CCNYL1: variants seen among roughly 807,000 people sequenced by gnomAD.
The protein encoded by CCNYL1 is cyclin Y like 1, also known as cyclin-Y-like protein 1.
CCNYL1 carries 16 observed loss-of-function variants against 44.2 expected under a neutral mutation model. The observed-to-expected ratio is 0.36, with a 90% confidence interval of 0.25 to 0.55. CCNYL1 has a LOEUF of 0.55. Ranked by LOEUF, CCNYL1 falls within the 20% of genes least tolerant of loss-of-function variation. The pLI, the probability that CCNYL1 is intolerant of heterozygous loss-of-function variation, is 0.85. For missense variants in CCNYL1, 348 were observed against 451.8 expected (o/e 0.77, Z 2.08); for synonymous variants, 159 against 163.2 (o/e 0.97, Z 0.20).
At chr2:207,734,851 CCT>C (rs1410282596) in intron 4 of CCNYL1, among the ~76,000 whole-genome samples, 5 of 152,022 alleles carry the variant, frequency 3.3e-5, no homozygotes, top group Non-Finnish European at 7.4e-5. Flanking sequence ...ATGTCACTTT[CCT>C]CTCTCACTTA....
intron 9 of CCNYL1, among the ~76,000 whole-genome samples, chr2:207,752,549 A>G (rs2105843670): frequency 6.7e-6 from 1 of 150,082 alleles, no homozygotes; most frequent in Non-Finnish European, 1.5e-5. Flanking sequence ...AAAAAAAAAT[A>G]ATAATGTAGG....
Position 207,752,811 on chromosome 2 carries a change from C to CA in CCNYL1, c.970-777_970-776insA, listed in dbSNP as rs2091903291. Among the ~76,000 whole-genome samples the CA allele has an allele frequency of 2.6e-5, 4 of 151,592 alleles. No individual in the cohort carries two copies. In the East Asian group the frequency reaches 7.8e-4, roughly 30 times the overall value. On this transcript the variant is annotated intron_variant, in intron 9 of 9. Coordinates refer to ENST00000295414, the MANE Select transcript of CCNYL1 (RefSeq NM_001330218.2). ...CAGCACTTTGGGAGGCCGAGGCAGG[C>CA]GGGATCACCTGAGGTCAGGAGTTTG...
Position 207,737,426 on chromosome 2 carries a change from A to G in CCNYL1, c.447A>G (p.Ile149Met). 1 of 1,610,606 alleles carries G rather than the reference A, an allele frequency of 6.2e-7. No homozygotes were observed. Among genetic ancestry groups the G allele is most frequent in the Non-Finnish European group, 8.5e-7 (1 of 1,177,670 alleles). ...RTTVKCVTLA[I>M]YYHIKNRDAN... ...CCCTTCACAGTGTGACCTTAGCAAT[A>G]TATTACCACATAAAGAACAGGTGAG... The change falls in exon 5 of 10, where the codon ATA becomes ATG. Residue 149 changes from isoleucine to methionine, a missense_variant. By Grantham distance (10) the Ile-to-Met change is conservative. Transcript: ENST00000295414.
At chr2:207,735,307 T>C (rs2091756780) in intron 4 of CCNYL1, among the ~76,000 whole-genome samples, 1 of 152,220 alleles carries the variant, frequency 6.6e-6, no homozygotes. Context: ...TATCATGGCT[T>C]ACTAGTGCGT....
chr2:207,744,101 T>C (rs1289204347), intron 7 of CCNYL1, among the ~76,000 whole-genome samples: 1 of 152,144 alleles, frequency 6.6e-6, no homozygotes, highest in Non-Finnish European at 1.5e-5. Context: ...CTCACTATTT[T>C]AGATAGAATG....
chr2:207,734,095 C>A, intron 4 of CCNYL1, 48 bp downstream of exon 4: 1 of 1,162,922 alleles, frequency 8.6e-7, no homozygotes, highest in Non-Finnish European at 1.3e-6. Context: ...CCCCCTTATG[C>A]TAAAAGCATC....
intron 9 of CCNYL1, among the ~76,000 whole-genome samples, chr2:207,753,103 G>A (rs920732860): frequency 9.2e-5 from 14 of 151,882 alleles, no homozygotes; most frequent in African/African-American, 3.4e-4. Flanking sequence ...ACCTTTTGGC[G>A]CGTCAGTCAT....
intron 3 of CCNYL1, among the ~76,000 whole-genome samples, chr2:207,732,664 C>T (rs1026682635): frequency 1.6e-4 from 24 of 151,962 alleles, no homozygotes; most frequent in Admixed American, 1.6e-3. Flanking sequence ...TTACTTTCAG[C>T]TATTCAATGA....
intron 3 of CCNYL1, among the ~76,000 whole-genome samples, chr2:207,729,827 T>G (rs926178318): frequency 2.6e-5 from 4 of 152,010 alleles, no homozygotes; most frequent in Admixed American, 6.6e-5. Flanking sequence ...GTGATTCTTG[T>G]GCCTCGGTCT....
rs192345726 is a variant in CCNYL1, at chr2:207,715,097, G to A, written c.220+2981G>A. On this transcript the variant is annotated intron_variant, in intron 1 of 9. Coordinates refer to ENST00000295414, the MANE Select transcript of CCNYL1 (RefSeq NM_001330218.2). ...AGCCTGGCCAACATGGTGAAACCCCGTCTCTACTAAAAATACAAAAATTAG... is the reference window on the plus strand; with the variant it reads ...AGCCTGGCCAACATGGTGAAACCCCATCTCTACTAAAAATACAAAAATTAG... 7.2e-5 allele frequency among the ~76,000 whole-genome samples: 11 copies of A among 152,046 alleles called. No individual in the cohort carries two copies. In the East Asian group the frequency reaches 1.9e-3, roughly 27 times the overall value.
chr2:207,730,801 A>G (rs1188332711), intron 3 of CCNYL1, among the ~76,000 whole-genome samples: 1 of 152,204 alleles, frequency 6.6e-6, no homozygotes, highest in Non-Finnish European at 1.5e-5. Context: ...CAAAAATAAA[A>G]TAAAACAAAT....
intron 7 of CCNYL1, among the ~76,000 whole-genome samples, chr2:207,746,501 A>G (rs148894534): frequency 5.9e-5 from 9 of 152,340 alleles, no homozygotes; most frequent in African/African-American, 1.9e-4. Context: ...TGAGATGTCC[A>G]GTCATTCCTG....
chr2:207,751,704 A>G (rs1027393082), intron 9 of CCNYL1, among the ~76,000 whole-genome samples: 29 of 152,156 alleles, frequency 1.9e-4, no homozygotes, highest in African/African-American at 7.0e-4. Context: ...AAAATACAAA[A>G]TTAGCCGGCC....
At chr2:207,734,079 G>A in intron 4 of CCNYL1, 32 bp downstream of exon 4, 1 of 1,377,416 alleles carries the variant, frequency 7.3e-7, no homozygotes, top group South Asian at 1.2e-5. Flanking sequence ...AGGGCTGAGT[G>A]ACAGACCCCC....
chr2:207,733,458 A>T (rs990082389), intron 3 of CCNYL1, among the ~76,000 whole-genome samples: 4 of 152,206 alleles, frequency 2.6e-5, no homozygotes. Flanking sequence ...TCTGACTGTG[A>T]AACACTTGTT....
At chr2:207,732,498 G>T (rs1406995931) in intron 3 of CCNYL1, among the ~76,000 whole-genome samples, 1 of 152,088 alleles carries the variant, frequency 6.6e-6, no homozygotes, top group Non-Finnish European at 1.5e-5. Context: ...TCCCTGCCCT[G>T]TCTTTCATGT....
intron 7 of CCNYL1, among the ~76,000 whole-genome samples, chr2:207,744,871 A>T (rs1290160032): frequency 3.3e-5 from 5 of 152,238 alleles, no homozygotes; most frequent in Non-Finnish European, 5.9e-5. Context: ...AAAAGCGAGC[A>T]GCCTACCAAT....
intron 3 of CCNYL1, among the ~76,000 whole-genome samples, 187 bp downstream of exon 3, chr2:207,727,063 A>G (rs567977288): frequency 4.6e-5 from 7 of 152,292 alleles, no homozygotes; most frequent in Admixed American, 3.3e-4. Context: ...AGTGTACCCA[A>G]TTGTTAAGGG....
chr2:207,742,022 G>A (rs1416069505), intron 6 of CCNYL1, among the ~76,000 whole-genome samples: 2 of 141,828 alleles, frequency 1.4e-5, no homozygotes, highest in African/African-American at 5.3e-5. Flanking sequence ...GTGGTGGCGG[G>A]TGCCTGTAAT....
Sources: gnomAD v4.1 joint callset for allele counts (sites outside exome capture counted in the v4.1 genomes callset) on GRCh38, gnomAD v4.1.1 for gene constraint, MANE v1.5 for transcripts, NCBI Gene and HGNC (gene_info 2026-07-23, HGNC 2026-07-21) for gene names.